The following WRN variants were observed in gnomAD, a reference collection of about 807,000 sequenced individuals.
The protein encoded by WRN is WRN RecQ like helicase.
WRN carries 149 observed loss-of-function variants against 180.7 expected under a neutral mutation model. The ratio of observed to expected loss-of-function variants is 0.82; its 90% CI spans 0.72 to 0.94. The LOEUF (loss-of-function observed/expected upper bound fraction) is 0.94. WRN is among the 40% of genes least tolerant of loss of function. The probability of loss-of-function intolerance (pLI) is 0.00; values close to 1 mark genes in which losing one functional copy is unlikely to be tolerated. For missense variants in WRN, 1,661 were observed against 1,700.1 expected (o/e 0.98, Z 0.40); for synonymous variants, 548 against 568.9 (o/e 0.96, Z 0.52).
rs190005762 is a variant in WRN at position 31,111,906 on chromosome 8, A to G, written c.2273+107A>G. The G allele has an allele frequency of 8.2e-6, 11 of 1,347,146 alleles. No homozygotes were observed. The African/African-American group carries it at 1.6e-4, about 20-fold the overall frequency. 83.4% of individuals were successfully genotyped at this position (1,347,146 alleles called of 1,614,324 possible). The stretch of plus-strand genomic sequence containing the variant: ...GATTTCCTTCTAATGCATATTTAAC[A>G]TATTTCAAATTCCACCTAGTTTTGG... On this transcript the variant is annotated intron_variant, in intron 19 of 34. Coordinates refer to ENST00000298139, the MANE Select transcript of WRN (RefSeq NM_000553.6).
At chr8:31,080,095 G>T (rs1813240897) in intron 8 of WRN, among the ~76,000 whole-genome samples, 1 of 152,100 alleles carries the variant, frequency 6.6e-6, no homozygotes, top group Admixed American at 6.6e-5. Flanking sequence ...TGGCCAGGCT[G>T]GTCTGGAACT....
At chr8:31,153,379 C>G (rs1803218231) in intron 31 of WRN, among the ~76,000 whole-genome samples, 1 of 152,050 alleles carries the variant, frequency 6.6e-6, no homozygotes, top group Non-Finnish European at 1.5e-5. Flanking sequence ...GAATAGCCAA[C>G]AATGCTTCCT....
chr8:31,042,538 T>C (rs1169355916), intron 1 of WRN, among the ~76,000 whole-genome samples: 4 of 152,204 alleles, frequency 2.6e-5, no homozygotes, highest in African/African-American at 9.6e-5. Context: ...GAGACTCTTC[T>C]TGTAGGAGTA....
chr8:31,077,241 A>T (rs1224729267), intron 8 of WRN, among the ~76,000 whole-genome samples: 1 of 151,950 alleles, frequency 6.6e-6, no homozygotes, highest in Admixed American at 6.6e-5. Context: ...TTTCTGAAAG[A>T]TGTAACTTTC....
Position 31,111,817 on chromosome 8 carries a change from G to A in WRN, c.2273+18G>A. 2 of 1,605,268 alleles carry A rather than the reference G, an allele frequency of 1.2e-6. No homozygotes were observed. Among genetic ancestry groups the A allele is most frequent in the Non-Finnish European group, 1.7e-6 (2 of 1,176,640 alleles). On this transcript the variant is annotated intron_variant, in intron 19 of 34. Transcript: ENST00000298139. ...AAAACAAGGTAAGGATTTAATGGTT[G>A]ATGAATTTTGGTAATGATTTCCTTT...
chr8:31,091,726 C>T (rs1046780178), intron 15 of WRN, 104 bp from the exon 16 acceptor site: 2 of 1,162,394 alleles, frequency 1.7e-6, no homozygotes, highest in Non-Finnish European at 2.5e-6. Context: ...TTGCAAAGAA[C>T]AGGAATATAA....
intron 1 of WRN, among the ~76,000 whole-genome samples, chr8:31,042,136 T>G (rs1003105673): frequency 6.6e-6 from 1 of 152,174 alleles, no homozygotes; most frequent in Non-Finnish European, 1.5e-5. Context: ...CAGGAGGTGT[T>G]GGTTGGAGAG....
chr8:31,088,810 G>A, intron 12 of WRN, 80 bp from the exon 13 acceptor site: 1 of 1,174,230 alleles, frequency 8.5e-7, no homozygotes, highest in Non-Finnish European at 1.2e-6. Context: ...TTTCAAAGAA[G>A]CCAATGAAAT....
In WRN at chr8:31,150,163, A is replaced by G. The variant is rs11574370; in HGVS notation, c.3573-178A>G. On this transcript the variant is annotated intron_variant, in intron 30 of 34. Coordinates refer to ENST00000298139, the MANE Select transcript of WRN (RefSeq NM_000553.6). ...ACAAATCTTTAAATGGTGGAAAGCA[A>G]AGAAAGAAATTATAAAACATGATTA... Among the ~76,000 whole-genome samples, 516 of 152,112 alleles carry G rather than the reference A, an allele frequency of 3.4e-3. 1 individual carries two copies. The highest frequency in any genetic ancestry group is 0.01 in the Middle Eastern group (3 of 294).
intron 19 of WRN, among the ~76,000 whole-genome samples, chr8:31,112,818 C>A (rs571639763): frequency 6.6e-5 from 10 of 152,052 alleles, no homozygotes; most frequent in African/African-American, 2.4e-4. Flanking sequence ...GAACTCCTGA[C>A]CTCAAGTGAT....
At chr8:31,147,164 A>G (rs370753567) in intron 29 of WRN, 36 bp downstream of exon 29, 45 of 1,596,278 alleles carry the variant, frequency 2.8e-5, no homozygotes, top group Non-Finnish European at 3.7e-5. Context: ...AGTTTATGAT[A>G]GGATAGTTAT....
intron 1 of WRN, among the ~76,000 whole-genome samples, chr8:31,036,747 A>G (rs546161968): frequency 1.1e-4 from 17 of 152,298 alleles, no homozygotes; most frequent in African/African-American, 4.1e-4. Context: ...ATCCTTAAAC[A>G]TTTTGGAAAT....
intron 7 of WRN, among the ~76,000 whole-genome samples, chr8:31,075,070 G>A (rs1245186227): frequency 6.6e-6 from 1 of 152,132 alleles, no homozygotes; most frequent in Admixed American, 6.5e-5. Flanking sequence ...GAAATGCAGG[G>A]GTCAAGGAAC....
chr8:31,172,917 T>G, intron 34 of WRN, 78 bp from the exon 35 acceptor site: 1 of 1,281,008 alleles, frequency 7.8e-7, no homozygotes, highest in South Asian at 1.2e-5. Flanking sequence ...ATTCAGGAAC[T>G]TATGTTACTT....
intron 7 of WRN, among the ~76,000 whole-genome samples, chr8:31,073,231 C>G (rs1194218704): frequency 2.6e-5 from 4 of 152,110 alleles, no homozygotes; most frequent in Admixed American, 6.5e-5. Flanking sequence ...TTGTAACAGC[C>G]CAAGCAATAG....
intron 33 of WRN, among the ~76,000 whole-genome samples, chr8:31,160,987 CA>C (rs35397047): frequency 0.56 from 78,923 of 141,462 alleles, 21,566 homozygotes; most frequent in South Asian, 0.64. Context: ...GACTCTGTCT[CA>C]AAAAAAAAAA....
intron 1 of WRN, among the ~76,000 whole-genome samples, chr8:31,034,541 G>T (rs1180758937): frequency 6.6e-6 from 1 of 152,104 alleles, no homozygotes; most frequent in Non-Finnish European, 1.5e-5. Context: ...TTATGGTTCG[G>T]TACATTTCTT....
chr8:31,035,208 A>G (rs1811404648), intron 1 of WRN, among the ~76,000 whole-genome samples: 1 of 152,218 alleles, frequency 6.6e-6, no homozygotes, highest in African/African-American at 2.4e-5. Context: ...AGAGACAGGC[A>G]AAAAGTAAAA....
At chr8:31,132,625 A>T in intron 24 of WRN, 119 bp downstream of exon 24, 1 of 1,388,868 alleles carries the variant, frequency 7.2e-7, no homozygotes, top group South Asian at 1.2e-5. Context: ...CTAGGAACTC[A>T]TAGAGTCTTA....
Sources: allele counts gnomAD v4.1 joint callset (sites outside exome capture counted in the v4.1 genomes callset), GRCh38; gene constraint gnomAD v4.1.1; transcripts MANE v1.5; gene names NCBI Gene and HGNC (gene_info 2026-07-23, HGNC 2026-07-21).